The following THSD4 variants were observed in gnomAD, a reference collection of about 807,000 sequenced individuals.
THSD4 encodes the protein thrombospondin type-1 domain-containing protein 4.
A neutral mutation model predicts 119.0 loss-of-function variants in THSD4; 69 were observed. That is an observed-to-expected ratio of 0.58 (90% CI 0.48 to 0.71). The LOEUF is 0.71. Among genes scored for constraint, THSD4 ranks in the 30% least tolerant of loss-of-function variants. The probability of loss-of-function intolerance (pLI) is 0.00; values close to 1 mark genes in which losing one functional copy is unlikely to be tolerated. For synonymous variants in THSD4, 524 were observed against 540.4 expected, an observed-to-expected ratio of 0.97 and a Z score of 0.42; for missense variants, 1,393 against 1,391.1, an observed-to-expected ratio of 1.00 and a Z score of -0.02.
chr15:71,338,509 C>G (rs1302371742), intron 6 of THSD4, among the ~76,000 whole-genome samples: 1 of 152,160 alleles, frequency 6.6e-6, no homozygotes, highest in Non-Finnish European at 1.5e-5. Flanking sequence ...CTGATCTACT[C>G]TGCAGTGAGG....
intron 8 of THSD4, among the ~76,000 whole-genome samples, chr15:71,704,892 A>G (rs1239379284): frequency 6.6e-6 from 1 of 152,244 alleles, no homozygotes; most frequent in Non-Finnish European, 1.5e-5. Context: ...AGAAGTACAT[A>G]GTGATACCAT....
chr15:71,437,170 A>AG (rs2047024104), intron 7 of THSD4, among the ~76,000 whole-genome samples: 1 of 152,128 alleles, frequency 6.6e-6, no homozygotes, highest in Non-Finnish European at 1.5e-5. Flanking sequence ...GAGAGAGAAA[A>AG]GGGGGAGACT....
Position 71,184,057 on chromosome 15 carries a change from C to T in THSD4, c.99+29125C>T, listed in dbSNP as rs577840254. The T allele has an allele frequency of 1.3e-5, 2 of 151,970 alleles. 1 individual carries two copies. Among genetic ancestry groups the T allele is most frequent in the South Asian group, 4.2e-4 (2 of 4,738 alleles). 9.4% of individuals were successfully genotyped at this position (151,970 alleles called of 1,614,324 possible). The stretch of plus-strand genomic sequence containing the variant: ...TGCTGGTTACATGTTGTCATCTTCT[C>T]TTTTCCCTGGGCTTGTTTTTGAAGA... On this transcript the variant is annotated intron_variant, in intron 3 of 17. Transcript: ENST00000261862.
chr15:71,194,131 G>A (rs546272495), intron 3 of THSD4, among the ~76,000 whole-genome samples: 4 of 152,310 alleles, frequency 2.6e-5, no homozygotes, highest in South Asian at 4.2e-4. Context: ...TCCCAGCCAC[G>A]TGGTACTGTG....
intron 9 of THSD4, 40 bp downstream of exon 9, chr15:71,728,764 A>G (rs1181174624): frequency 4.4e-6 from 7 of 1,608,008 alleles, no homozygotes; most frequent in Admixed American, 1.7e-5. Flanking sequence ...TGGATTTTGA[A>G]TCTTGTCACT....
chr15:71,754,987 TA>T (rs1309706888), intron 14 of THSD4, among the ~76,000 whole-genome samples: 2 of 152,206 alleles, frequency 1.3e-5, no homozygotes, highest in South Asian at 2.1e-4. Flanking sequence ...GTCCTTTTAT[TA>T]AAGTTTATTT....
chr15:71,539,374 T>C (rs1024405376), intron 7 of THSD4, among the ~76,000 whole-genome samples: 3 of 152,252 alleles, frequency 2.0e-5, no homozygotes, highest in African/African-American at 7.2e-5. Context: ...AAACATAGTT[T>C]GAACACTTTA....
chr15:71,566,405 C>G (rs967130398), intron 7 of THSD4, among the ~76,000 whole-genome samples: 1 of 152,210 alleles, frequency 6.6e-6, no homozygotes, highest in African/African-American at 2.4e-5. Flanking sequence ...TACTGAGCAT[C>G]TACTTTGTGG....
intron 7 of THSD4, among the ~76,000 whole-genome samples, chr15:71,651,105 A>T (rs753388734): frequency 6.6e-6 from 1 of 152,202 alleles, no homozygotes; most frequent in African/African-American, 2.4e-5. Context: ...GGCTCCATCA[A>T]AGGCCTGCCC....
chr15:71,449,360 A>G (rs138192340), intron 7 of THSD4, among the ~76,000 whole-genome samples: 85 of 152,308 alleles, frequency 5.6e-4, no homozygotes, highest in African/African-American at 2.0e-3. Context: ...GTGGCATTTC[A>G]GACACTGGTG....
chr15:71,724,631 C>A (rs544749338), intron 8 of THSD4, among the ~76,000 whole-genome samples: 1 of 151,980 alleles, frequency 6.6e-6, no homozygotes, highest in East Asian at 1.9e-4. Context: ...TTTGAGCCAT[C>A]GTTGGTAATC....
chr15:71,697,648 C>G (rs2052192495), intron 8 of THSD4, among the ~76,000 whole-genome samples: 1 of 152,240 alleles, frequency 6.6e-6, no homozygotes. Context: ...GAATTCAGAT[C>G]AGTCCAAAAC....
chr15:71,634,494 C>T (rs532085374), intron 7 of THSD4, among the ~76,000 whole-genome samples: 9 of 152,320 alleles, frequency 5.9e-5, no homozygotes, highest in African/African-American at 1.4e-4. Flanking sequence ...AGCACATCTG[C>T]GTCCCAATGC....
At chr15:71,116,905 T>C (rs924685549) in intron 1 of THSD4, among the ~76,000 whole-genome samples, 1 of 152,094 alleles carries the variant, frequency 6.6e-6, no homozygotes, top group African/African-American at 2.4e-5. Flanking sequence ...AAATGTGACT[T>C]AAAATACGGA....
intron 6 of THSD4, among the ~76,000 whole-genome samples, chr15:71,313,026 T>C (rs1315425704): frequency 6.6e-6 from 1 of 152,200 alleles, no homozygotes; most frequent in Non-Finnish European, 1.5e-5. Context: ...GTGCCTGGCA[T>C]ATAACGGCAC....
At chr15:71,762,001 G>C (rs2053634327) in intron 15 of THSD4, among the ~76,000 whole-genome samples, 1 of 152,176 alleles carries the variant, frequency 6.6e-6, no homozygotes, top group South Asian at 2.1e-4. Flanking sequence ...TTTTGCTAGA[G>C]CTCCTCCTCT....
At chr15:71,326,700 A>AAAAATATATATATATAT (rs1555464320) in intron 6 of THSD4, among the ~76,000 whole-genome samples, 1 of 6,456 alleles carries the variant, frequency 1.5e-4, no homozygotes, top group African/African-American at 3.4e-4. Flanking sequence ...AAAAAAAAAA[A>AAAAATATATATATATAT]ATATATATAT....
chr15:71,501,056 A>G (rs1028844760), intron 7 of THSD4, among the ~76,000 whole-genome samples: 5 of 152,172 alleles, frequency 3.3e-5, no homozygotes, highest in African/African-American at 9.7e-5. Flanking sequence ...GACTTTGTAG[A>G]TTGCTTTGGG....
intron 7 of THSD4, among the ~76,000 whole-genome samples, chr15:71,597,576 C>A (rs745525985): frequency 6.6e-6 from 1 of 152,106 alleles, no homozygotes; most frequent in Non-Finnish European, 1.5e-5. Context: ...TACCAAAAAT[C>A]GTGTATACAA....
Sources: allele counts gnomAD v4.1 joint callset (sites outside exome capture counted in the v4.1 genomes callset), GRCh38; gene constraint gnomAD v4.1.1; transcripts MANE v1.5; gene names NCBI Gene and HGNC (gene_info 2026-07-23, HGNC 2026-07-21).